Variants in CUBN observed in about 807,000 individuals in gnomAD.
The protein encoded by CUBN is cubilin, also known as 460 kDa receptor.
Under a neutral mutation model 405.3 loss-of-function variants are expected in CUBN, and 282 were observed. The observed-to-expected ratio is 0.70, with a 90% CI of 0.63 to 0.77. The LOEUF (loss-of-function observed/expected upper bound fraction) is 0.77. Among genes scored for constraint, CUBN ranks in the 30% least tolerant of loss-of-function variants. The pLI, the probability that CUBN is intolerant of heterozygous loss-of-function variation, is 0.00. For synonymous variants in CUBN, 1,684 were observed against 1,617.0 expected (o/e 1.04, Z -0.99); for missense variants, 4,514 against 4,475.2 (o/e 1.01, Z -0.25).
At chr10:16,919,384 G>C (rs1012670709) in intron 44 of CUBN, among the ~76,000 whole-genome samples, 7 of 152,180 alleles carry the variant, frequency 4.6e-5, no homozygotes, top group African/African-American at 1.7e-4. Context: ...CTGCATTCAT[G>C]CAAATGTATA....
At chr10:16,967,844 A>G (rs112741176) in intron 31 of CUBN, among the ~76,000 whole-genome samples, 3 of 38,820 alleles carry the variant, frequency 7.7e-5, no homozygotes, top group African/African-American at 2.2e-4. Context: ...AAGGAGAGAC[A>G]GAGGGAGAGA....
intron 27 of CUBN, among the ~76,000 whole-genome samples, chr10:17,031,575 T>C (rs1189081817): frequency 6.6e-6 from 1 of 152,190 alleles, no homozygotes; most frequent in Non-Finnish European, 1.5e-5. Flanking sequence ...CATTCTATCA[T>C]ATGTCTGGGT....
intron 56 of CUBN, among the ~76,000 whole-genome samples, chr10:16,881,686 T>A (rs1840669295): frequency 6.6e-6 from 1 of 152,232 alleles, no homozygotes; most frequent in South Asian, 2.1e-4. Context: ...AGTAGTCGTT[T>A]GTTTAAGGTA....
intron 57 of CUBN, among the ~76,000 whole-genome samples, chr10:16,876,184 G>C (rs1354687867): frequency 6.6e-6 from 1 of 152,208 alleles, no homozygotes; most frequent in Non-Finnish European, 1.5e-5. Flanking sequence ...ACTCAAGAAA[G>C]ATGTTACAAG....
intron 50 of CUBN, 131 bp from the exon 51 acceptor site, chr10:16,904,246 G>T: frequency 2.3e-6 from 2 of 863,254 alleles, no homozygotes; most frequent in Non-Finnish European, 3.8e-6. Flanking sequence ...AGCAGACATT[G>T]CACAATATTT....
intron 13 of CUBN, among the ~76,000 whole-genome samples, chr10:17,101,812 ACACTTCTCAATGG>A (rs796116511): frequency 5.9e-5 from 9 of 152,300 alleles, no homozygotes; most frequent in African/African-American, 2.2e-4. Context: ...GCACCTGGAC[ACACTTCTCAATGG>A]CACTAGGCTC....
In CUBN at chr10:17,032,430, C is replaced by T. The variant is rs115178322; in HGVS notation, c.4017+8603G>A. Reference sequence around the variant, plus strand: ...GTATTCGTGCAGCACTGAGTGTGAACGTAGTTTCATCACTTCATGTAGTGA... The same window carrying T: ...GTATTCGTGCAGCACTGAGTGTGAATGTAGTTTCATCACTTCATGTAGTGA... On this transcript the variant is annotated intron_variant, in intron 27 of 66. Coordinates refer to ENST00000377833, the MANE Select transcript of CUBN (RefSeq NM_001081.4). 1.8e-3 allele frequency among the ~76,000 whole-genome samples: 272 copies of T among 152,246 alleles called. 4 individuals are homozygous for T. The highest frequency in any genetic ancestry group is 6.3e-3 in the African/African-American group (261 of 41,534).
At position 16,889,738 on chromosome 10, in the gene CUBN, AC is replaced by A. The variant is rs1312050043; in HGVS notation, c.8755+632del. On this transcript the variant is annotated intron_variant, in intron 55 of 66. Transcript: ENST00000377833. ...GTGAAACCCCGTCTCTACTAAAAATACAAAAAAAAAAAAATTAGCTGGGCAT... is the reference window on the plus strand; with the variant it reads ...GTGAAACCCCGTCTCTACTAAAAATAAAAAAAAAAAAAATTAGCTGGGCAT... 1.8e-4 allele frequency among the ~76,000 whole-genome samples: 27 copies of A among 150,234 alleles called. No individual in the cohort carries two copies. The South Asian group carries it at 5.7e-3, about 32-fold the overall frequency.
chr10:16,848,898 C>T (rs1839597816), intron 60 of CUBN, among the ~76,000 whole-genome samples: 1 of 151,930 alleles, frequency 6.6e-6, no homozygotes, highest in Non-Finnish European at 1.5e-5. Flanking sequence ...GAGACGGGTT[C>T]TCACTATGTT....
chr10:16,995,065 T>C (rs531374085), intron 28 of CUBN, among the ~76,000 whole-genome samples: 7 of 152,240 alleles, frequency 4.6e-5, no homozygotes, highest in African/African-American at 1.2e-4. Context: ...CTCTCCAGCC[T>C]GGGCGACAGA....
chr10:17,013,343 A>G (rs180733695), intron 28 of CUBN, among the ~76,000 whole-genome samples: 1 of 148,516 alleles, frequency 6.7e-6, no homozygotes, highest in Admixed American at 6.7e-5. Flanking sequence ...TCACTCTCTG[A>G]CTTTCTATCT....
At chr10:16,851,187 T>C in intron 60 of CUBN, 48 bp downstream of exon 60, 3 of 1,418,992 alleles carry the variant, frequency 2.1e-6, no homozygotes, top group Non-Finnish European at 3.0e-6. Flanking sequence ...TACACTATAT[T>C]AGAGTCTGGG....
At position 16,888,329 on chromosome 10, in the gene CUBN, T is replaced by C. The variant is rs776436847; in HGVS notation, c.8905+88A>G. On this transcript the variant is annotated intron_variant, in intron 56 of 66. Coordinates refer to ENST00000377833, the MANE Select transcript of CUBN (RefSeq NM_001081.4). ...AACTGGATTTAGCCACTCTACAACA[T>C]GTACATATGTCAAAACATGTTGTAC... 12 of 1,047,636 alleles carry C rather than the reference T, an allele frequency of 1.1e-5. No individual in the cohort carries two copies. The Middle Eastern group carries it at 7.3e-4, about 63-fold the overall frequency. The allele number at this position is 1,047,636 out of a possible 1,614,324, so 64.9% of individuals were successfully genotyped here.
rs375445875 is a variant in CUBN, at chr10:16,984,097, T to C, written c.4525+8A>G. ...AAGTACTTTAGGAAACCTCCTTTTC[T>C]CACTCACCTCCAGTGACTGCTTGCC... is the stretch of plus-strand genomic sequence containing the variant. On this transcript the variant is annotated splice_region_variant and intron_variant, in intron 30 of 66. Coordinates refer to ENST00000377833, the MANE Select transcript of CUBN (RefSeq NM_001081.4). 4 of 1,614,058 alleles carry C rather than the reference T, an allele frequency of 2.5e-6. No homozygotes were observed. In the African/African-American group the frequency reaches 4.0e-5, roughly 16 times the overall value.
At chr10:17,003,565 A>C (rs1588570886) in intron 28 of CUBN, among the ~76,000 whole-genome samples, 1 of 152,348 alleles carries the variant, frequency 6.6e-6, no homozygotes, top group East Asian at 1.9e-4. Context: ...TTTGTTCAAT[A>C]ACAAAAAAGA....
intron 44 of CUBN, among the ~76,000 whole-genome samples, chr10:16,919,261 G>A (rs570378459): frequency 1.4e-4 from 21 of 152,288 alleles, no homozygotes; most frequent in Admixed American, 4.6e-4. Context: ...TGTATCTAAC[G>A]TTTCTTCAGG....
intron 60 of CUBN, 94 bp from the exon 61 acceptor site, chr10:16,841,141 A>G: frequency 9.9e-7 from 1 of 1,011,182 alleles, no homozygotes; most frequent in Non-Finnish European, 1.5e-6. Flanking sequence ...AGGTCACGGT[A>G]AACATTTTTA....
At chr10:16,869,438 C>T (rs546784146) in intron 59 of CUBN, among the ~76,000 whole-genome samples, 198 bp downstream of exon 59, 1 of 150,244 alleles carries the variant, frequency 6.7e-6, no homozygotes, top group Admixed American at 6.8e-5. Context: ...GTGCTGGGTA[C>T]ATTTGTTGAG....
chr10:17,074,259 C>A (rs1368089124), intron 17 of CUBN, among the ~76,000 whole-genome samples: 1 of 152,144 alleles, frequency 6.6e-6, no homozygotes, highest in African/African-American at 2.4e-5. Context: ...TTCATTGTTA[C>A]CTAACCAATG....
Sources: gnomAD v4.1 joint callset for allele counts (sites outside exome capture counted in the v4.1 genomes callset) on GRCh38, gnomAD v4.1.1 for gene constraint, MANE v1.5 for transcripts, NCBI Gene and HGNC (gene_info 2026-07-23, HGNC 2026-07-21) for gene names.